The following LRBA variants were observed in gnomAD, a reference collection of about 807,000 sequenced individuals.
LRBA encodes the protein LPS responsive beige-like anchor protein.
In LRBA, 176 loss-of-function variants were observed where a neutral mutation model predicts 330.0. The ratio of observed to expected loss-of-function variants is 0.53; its 90% confidence interval spans 0.47 to 0.60. LRBA has a LOEUF of 0.60. LRBA is among the 20% of genes least tolerant of loss of function. The pLI is 0.00. For missense variants in LRBA, 3,259 were observed against 3,444.8 expected (o/e 0.95, Z 1.35); for synonymous variants, 1,230 against 1,193.0 (o/e 1.03, Z -0.64).
At chr4:150,351,337 G>A (rs7691809) in intron 47 of LRBA, among the ~76,000 whole-genome samples, 123,694 of 152,094 alleles carry the variant, frequency 0.81, 51,442 homozygotes, top group Non-Finnish European at 0.93. Flanking sequence ...TTAGTTTAAC[G>A]ATAAATAATT....
chr4:150,590,567 GA>G, intron 39 of LRBA, 145 bp downstream of exon 39: 1 of 634,118 alleles, frequency 1.6e-6, no homozygotes, highest in Admixed American at 3.0e-5. Context: ...AGAAACTGTA[GA>G]AGGGGGGGAA....
chr4:150,732,604 C>A (rs1412399334), intron 36 of LRBA, among the ~76,000 whole-genome samples: 1 of 151,940 alleles, frequency 6.6e-6, no homozygotes, highest in African/African-American at 2.4e-5. Flanking sequence ...TTGATATCAT[C>A]TGAGTTTCTG....
chr4:150,822,940 G>A (rs1283284712), intron 30 of LRBA, among the ~76,000 whole-genome samples: 5 of 152,116 alleles, frequency 3.3e-5, no homozygotes, highest in Non-Finnish European at 4.4e-5. Flanking sequence ...AGCTTAAACC[G>A]GTAAGCACAG....
At position 150,310,255 on chromosome 4, in the gene LRBA, CT is replaced by C; in HGVS notation, c.7822del (p.Ser2608ValfsTer12). On this transcript the variant is annotated frameshift_variant, in exon 52 of 57. Coordinates refer to ENST00000651943, the MANE Select transcript of LRBA (RefSeq NM_001364905.1). LOFTEE classifies it high-confidence loss of function. ...TGTGTCTGTAGAATAGACTCTGAAACTTTTATCCCAGAAGCCACAGACGAGA... is the reference window on the plus strand; with the variant it reads ...TGTGTCTGTAGAATAGACTCTGAAACTTTATCCCAGAAGCCACAGACGAGA... ...YILVCGFWDK[S>X]FRVYSTDTGR... is the part of the protein sequence containing the mutation. 6.2e-7 allele frequency: 1 copy of C among 1,612,440 alleles called. No individual in the cohort carries two copies. The highest frequency in any genetic ancestry group is 8.5e-7 in the Non-Finnish European group (1 of 1,178,732).
chr4:150,726,015 C>A (rs1239325352), intron 36 of LRBA, among the ~76,000 whole-genome samples: 1 of 151,874 alleles, frequency 6.6e-6, no homozygotes, highest in African/African-American at 2.4e-5. Context: ...ATATAAAAAG[C>A]AAGAAATTAA....
intron 36 of LRBA, among the ~76,000 whole-genome samples, chr4:150,728,183 CA>C (rs1729957146): frequency 6.6e-6 from 1 of 151,950 alleles, no homozygotes; most frequent in Admixed American, 6.6e-5. Flanking sequence ...CCTAACAGAC[CA>C]ATAACAAGTG....
At chr4:150,278,110 G>C in intron 55 of LRBA, 106 bp from the exon 56 acceptor site, 1 of 900,812 alleles carries the variant, frequency 1.1e-6, no homozygotes, top group Non-Finnish European at 1.6e-6. Context: ...GCAGAGAGAA[G>C]AGAGAGAGAT....
chr4:150,328,210 G>A (rs908823415), intron 48 of LRBA, among the ~76,000 whole-genome samples: 2 of 152,140 alleles, frequency 1.3e-5, no homozygotes, highest in South Asian at 2.1e-4. Flanking sequence ...GTTTCTGTTA[G>A]GGAAAACAAG....
intron 49 of LRBA, among the ~76,000 whole-genome samples, chr4:150,323,115 A>G (rs1179679282): frequency 6.6e-6 from 1 of 151,592 alleles, no homozygotes; most frequent in African/African-American, 2.4e-5. Context: ...CCCTAGTATC[A>G]CTAGTTTTTG....
In LRBA at chr4:150,264,670, C is replaced by CAAAG. The variant is rs1206124306; in HGVS notation, c.*1048_*1051dup. ...AATAGAGATCAAAGTTCACAACATA[C>CAAAG]AAAGAATTTATTTATGCAATACAGG... On this transcript the variant is annotated 3_prime_UTR_variant, in exon 57 of 57. Coordinates refer to ENST00000651943, the MANE Select transcript of LRBA (RefSeq NM_001364905.1). The CAAAG allele has an allele frequency of 7.2e-5, 11 of 152,610 alleles. No homozygotes were observed. The highest frequency in any genetic ancestry group is 1.7e-4 in the African/African-American group (7 of 41,450). The allele number at this position is 152,610 out of a possible 1,614,324, so 9.5% of individuals were successfully genotyped here.
chr4:150,728,667 C>CAA (rs145196870), intron 36 of LRBA, among the ~76,000 whole-genome samples: 69 of 136,194 alleles, frequency 5.1e-4, no homozygotes, highest in African/African-American at 1.8e-3. Flanking sequence ...TAAAAACCCT[C>CAA]AAAAAAAAAA....
At chr4:150,514,530 G>A (rs1223369967) in intron 40 of LRBA, among the ~76,000 whole-genome samples, 1 of 152,138 alleles carries the variant, frequency 6.6e-6, no homozygotes, top group East Asian at 1.9e-4. Context: ...AGGTTAATTG[G>A]TTGGCTCCAG....
chr4:150,490,671 T>C (rs2152103301), intron 41 of LRBA, among the ~76,000 whole-genome samples: 1 of 151,998 alleles, frequency 6.6e-6, no homozygotes, highest in Middle Eastern at 3.4e-3. Context: ...TATGTATTCC[T>C]TATGTTTATA....
chr4:150,421,121 T>C (rs868795128), intron 46 of LRBA, among the ~76,000 whole-genome samples: 1 of 30,216 alleles, frequency 3.3e-5, no homozygotes, highest in Non-Finnish European at 8.1e-5. Flanking sequence ...TACATTATAA[T>C]ATATATAAAG....
At chr4:150,528,632 G>T (rs982027092) in intron 40 of LRBA, among the ~76,000 whole-genome samples, 2 of 151,998 alleles carry the variant, frequency 1.3e-5, no homozygotes, top group East Asian at 3.9e-4. Flanking sequence ...AGGCAGTAAG[G>T]TTGTCTTAGG....
intron 40 of LRBA, chr4:150,584,051 A>G: frequency 6.3e-7 from 1 of 1,593,106 alleles, no homozygotes; most frequent in Non-Finnish European, 8.5e-7. Context: ...GCTGCCAAGC[A>G]GACCTGGAGG....
chr4:150,353,940 G>C (rs975446452), intron 47 of LRBA, among the ~76,000 whole-genome samples: 1 of 152,130 alleles, frequency 6.6e-6, no homozygotes, highest in Non-Finnish European at 1.5e-5. Flanking sequence ...AGAACAAAGT[G>C]GTAAGTATAA....
intron 35 of LRBA, among the ~76,000 whole-genome samples, chr4:150,741,110 A>C (rs1259563573): frequency 6.6e-6 from 1 of 152,130 alleles, no homozygotes; most frequent in African/African-American, 2.4e-5. Flanking sequence ...GGTCGATGTA[A>C]AGACTTACTG....
At chr4:150,739,463 C>G (rs1285314981) in intron 35 of LRBA, among the ~76,000 whole-genome samples, 2 of 152,080 alleles carry the variant, frequency 1.3e-5, no homozygotes, top group Non-Finnish European at 2.9e-5. Context: ...CTAGAAATAA[C>G]AGGATACAGA....
Sources: allele counts gnomAD v4.1 joint callset (sites outside exome capture counted in the v4.1 genomes callset), GRCh38; gene constraint gnomAD v4.1.1; transcripts MANE v1.5; gene names NCBI Gene and HGNC (gene_info 2026-07-23, HGNC 2026-07-21).